ZNF423: variants seen among roughly 807,000 people sequenced by gnomAD.
ZNF423 encodes the protein zinc finger protein 423.
A neutral mutation model predicts 95.8 loss-of-function variants in ZNF423; 12 were observed. That is an observed-to-expected ratio of 0.13 (90% CI 0.08 to 0.20). The LOEUF is 0.20. ZNF423 is among the 10% of genes least tolerant of loss of function. ZNF423 has a pLI of 1.00. For synonymous variants in ZNF423, 749 were observed against 711.9 expected, an observed-to-expected ratio of 1.05 and a Z score of -0.83; for missense variants, 1,316 against 1,737.1, an observed-to-expected ratio of 0.76 and a Z score of 4.31.
At chr16:49,664,700 G>A (rs2030450701) in intron 3 of ZNF423, among the ~76,000 whole-genome samples, 1 of 152,202 alleles carries the variant, frequency 6.6e-6, no homozygotes, top group African/African-American at 2.4e-5. Flanking sequence ...GCGGGAAGCA[G>A]CTCTCAGCAA....
chr16:49,769,746 G>T (rs1196383142), intron 2 of ZNF423, among the ~76,000 whole-genome samples: 3 of 113,422 alleles, frequency 2.6e-5, no homozygotes, highest in Non-Finnish European at 5.5e-5. Context: ...CTGACCTCAC[G>T]CTCCCCCCAC....
chr16:49,815,870 C>CA (rs1168729871), intron 1 of ZNF423, among the ~76,000 whole-genome samples: 119 of 39,512 alleles, frequency 3.0e-3, no homozygotes, highest in African/African-American at 0.011. Context: ...TCCAAACAAA[C>CA]AAAAAAAAAA....
intron 1 of ZNF423, among the ~76,000 whole-genome samples, chr16:49,810,193 T>G (rs2034729953): frequency 6.6e-6 from 1 of 151,262 alleles, no homozygotes; most frequent in Non-Finnish European, 1.5e-5. Flanking sequence ...AAGAACACGT[T>G]CCCAGACTCA....
At chr16:49,658,554 A>G (rs2030017530) in intron 3 of ZNF423, among the ~76,000 whole-genome samples, 1 of 152,244 alleles carries the variant, frequency 6.6e-6, no homozygotes, top group Non-Finnish European at 1.5e-5. Flanking sequence ...TCATGGCTGA[A>G]GGCTGCCCCA....
At chr16:49,851,415 T>C (rs2035300087) in intron 1 of ZNF423, among the ~76,000 whole-genome samples, 1 of 152,232 alleles carries the variant, frequency 6.6e-6, no homozygotes, top group Non-Finnish European at 1.5e-5. Context: ...TATTAAATCC[T>C]ACATCAGGGG....
intron 5 of ZNF423, among the ~76,000 whole-genome samples, chr16:49,590,234 C>A (rs1318742675): frequency 6.6e-6 from 1 of 151,908 alleles, no homozygotes; most frequent in Non-Finnish European, 1.5e-5. Context: ...CCTGGCCCTG[C>A]TGCGCCTGCA....
chr16:49,594,116 G>T (rs909741035), intron 5 of ZNF423, among the ~76,000 whole-genome samples: 2 of 152,136 alleles, frequency 1.3e-5, no homozygotes, highest in Non-Finnish European at 2.9e-5. Flanking sequence ...TTTCAGCTGG[G>T]GGGTAAACAG....
At chr16:49,802,741 T>C (rs1018268564) in intron 1 of ZNF423, among the ~76,000 whole-genome samples, 2 of 152,206 alleles carry the variant, frequency 1.3e-5, no homozygotes, top group African/African-American at 4.8e-5. Context: ...TTGCTTATTG[T>C]TTCCTAGAAC....
intron 1 of ZNF423, among the ~76,000 whole-genome samples, chr16:49,811,417 C>A (rs1402207630): frequency 1.3e-5 from 2 of 152,112 alleles, no homozygotes. Flanking sequence ...GACAATGGCA[C>A]CACTCTACCC....
upstream of ZNF423, among the ~76,000 whole-genome samples, chr16:49,856,424 C>T (rs1233059998): frequency 1.8e-5 from 2 of 109,170 alleles, no homozygotes. Flanking sequence ...CAGTACCCCC[C>T]AGGAAAAAAA....
intron 5 of ZNF423, among the ~76,000 whole-genome samples, chr16:49,531,112 C>T (rs139264938): frequency 2.6e-5 from 4 of 152,248 alleles, no homozygotes; most frequent in Middle Eastern, 3.4e-3. Context: ...CATGTGACAG[C>T]GTGGGACAGT....
At chr16:49,701,176 C>G (rs2032168463) in intron 3 of ZNF423, among the ~76,000 whole-genome samples, 1 of 152,174 alleles carries the variant, frequency 6.6e-6, no homozygotes. Context: ...AAAAACAGAA[C>G]CAAAGGTGAG....
intron 5 of ZNF423, among the ~76,000 whole-genome samples, chr16:49,618,564 T>G (rs1277982196): frequency 1.3e-5 from 2 of 152,190 alleles, no homozygotes; most frequent in Non-Finnish European, 2.9e-5. Context: ...ATGTAAGACG[T>G]GCTTGCTTCC....
intron 3 of ZNF423, among the ~76,000 whole-genome samples, chr16:49,695,395 T>A (rs531220985): frequency 6.6e-6 from 1 of 152,318 alleles, no homozygotes; most frequent in South Asian, 2.1e-4. Context: ...CAGGTTCAAG[T>A]GATTCTCCTG....
intron 3 of ZNF423, among the ~76,000 whole-genome samples, chr16:49,696,666 C>T (rs2031984702): frequency 6.6e-6 from 1 of 152,006 alleles, no homozygotes; most frequent in Non-Finnish European, 1.5e-5. Flanking sequence ...CGGCTACCTC[C>T]CCCTCATTGT....
chr16:49,859,065 G>T (rs1008346819), upstream of ZNF423, among the ~76,000 whole-genome samples: 7 of 152,208 alleles, frequency 4.6e-5, no homozygotes, highest in African/African-American at 9.6e-5. Flanking sequence ...GCCCAGCCGG[G>T]AGTCTGGAGA....
chr16:49,814,266 T>C (rs2034801102), intron 1 of ZNF423, among the ~76,000 whole-genome samples: 1 of 152,086 alleles, frequency 6.6e-6, no homozygotes, highest in Admixed American at 6.6e-5. Flanking sequence ...TTCATCTGCC[T>C]TCCCGTGGGC....
chr16:49,659,056 T>C (rs2030053326), intron 3 of ZNF423, among the ~76,000 whole-genome samples: 1 of 152,208 alleles, frequency 6.6e-6, no homozygotes, highest in South Asian at 2.1e-4. Flanking sequence ...CTCATATTAG[T>C]CTTTGATGTT....
At chr16:49,765,706 C>A (rs775411457) in intron 2 of ZNF423, among the ~76,000 whole-genome samples, 4 of 152,016 alleles carry the variant, frequency 2.6e-5, no homozygotes, top group African/African-American at 9.7e-5. Flanking sequence ...GACAACAGAA[C>A]GAGACCCTAC....
Sources: allele counts gnomAD v4.1 joint callset (sites outside exome capture counted in the v4.1 genomes callset), GRCh38; gene constraint gnomAD v4.1.1; transcripts MANE v1.5; gene names NCBI Gene and HGNC (gene_info 2026-07-23, HGNC 2026-07-21).